ADARB2: variants seen among roughly 807,000 people sequenced by gnomAD.
ADARB2 encodes the protein inactive double-stranded RNA-specific editase B2.
Under a neutral mutation model 62.2 loss-of-function variants are expected in ADARB2, and 25 were observed. The observed-to-expected ratio is 0.40, with a 90% CI of 0.29 to 0.56. The LOEUF is 0.56. Among genes scored for constraint, ADARB2 ranks in the 20% least tolerant of loss-of-function variants. The pLI, the probability that ADARB2 is intolerant of heterozygous loss-of-function variation, is 0.43. For missense variants in ADARB2, 1,071 were observed against 1,077.4 expected, an observed-to-expected ratio of 0.99 and a Z score of 0.08; for synonymous variants, 572 against 500.8, an observed-to-expected ratio of 1.14 and a Z score of -1.90.
intron 1 of ADARB2, among the ~76,000 whole-genome samples, chr10:1,405,986 T>A (rs2131875231): frequency 6.6e-6 from 1 of 152,104 alleles, no homozygotes. Flanking sequence ...TACACCCATT[T>A]CTTAAATCCT....
intron 3 of ADARB2, among the ~76,000 whole-genome samples, chr10:1,308,777 G>A (rs981462464): frequency 3.3e-5 from 5 of 152,310 alleles, no homozygotes; most frequent in African/African-American, 9.6e-5. Flanking sequence ...TAGCAGGTCA[G>A]GGAGCTCTTT....
chr10:1,209,281 C>T (rs1418597079), intron 7 of ADARB2, among the ~76,000 whole-genome samples: 7 of 150,434 alleles, frequency 4.7e-5, no homozygotes, highest in Non-Finnish European at 1.5e-5. Context: ...ATGCCCACGC[C>T]TACACCATCA....
At chr10:1,569,767 T>TA (rs1854776718) in intron 1 of ADARB2, among the ~76,000 whole-genome samples, 8 of 152,090 alleles carry the variant, frequency 5.3e-5, no homozygotes, top group Admixed American at 1.3e-4. Flanking sequence ...TCATTTTTTT[T>TA]TAAAAAAATG....
intron 1 of ADARB2, among the ~76,000 whole-genome samples, chr10:1,619,576 C>T (rs1833684302): frequency 1.3e-5 from 2 of 152,286 alleles, no homozygotes; most frequent in South Asian, 4.1e-4. Flanking sequence ...CTCAGCCTCC[C>T]AAGTAGCTGG....
intron 1 of ADARB2, among the ~76,000 whole-genome samples, chr10:1,414,015 A>T (rs757456057): frequency 1.3e-5 from 2 of 152,138 alleles, no homozygotes; most frequent in African/African-American, 4.8e-5. Context: ...CAGGGGCTCT[A>T]TTCGTTCTTC....
At chr10:1,543,434 T>A (rs1325941997) in intron 1 of ADARB2, among the ~76,000 whole-genome samples, 1 of 152,246 alleles carries the variant, frequency 6.6e-6, no homozygotes, top group Non-Finnish European at 1.5e-5. Context: ...CCATTTTTGA[T>A]AGCTCATTGT....
intron 1 of ADARB2, among the ~76,000 whole-genome samples, chr10:1,413,615 C>A (rs1806446): frequency 1.3e-5 from 2 of 151,818 alleles, no homozygotes; most frequent in Non-Finnish European, 2.9e-5. Flanking sequence ...ACACAGGAAG[C>A]GCAGCCGTGA....
chr10:1,538,235 G>C (rs1190023822), intron 1 of ADARB2, among the ~76,000 whole-genome samples: 2 of 152,240 alleles, frequency 1.3e-5, no homozygotes, highest in African/African-American at 4.8e-5. Context: ...GCCTGCGTTT[G>C]TGGCTGTGGC....
At chr10:1,321,296 C>T (rs1045596962) in intron 3 of ADARB2, among the ~76,000 whole-genome samples, 1 of 152,226 alleles carries the variant, frequency 6.6e-6, no homozygotes, top group Admixed American at 6.5e-5. Context: ...CGGAAGATCC[C>T]TGCCTATCCT....
At chr10:1,291,571 C>A (rs1831466098) in intron 3 of ADARB2, 2 of 152,172 alleles carry the variant, frequency 1.3e-5, no homozygotes, top group Non-Finnish European at 2.9e-5. Flanking sequence ...ATTTACATAC[C>A]CGATGTCCCT....
chr10:1,195,977 T>A (rs1178457261), intron 8 of ADARB2, among the ~76,000 whole-genome samples: 1 of 152,076 alleles, frequency 6.6e-6, no homozygotes, highest in African/African-American at 2.4e-5. Context: ...CTTCCCTTGG[T>A]GAGAAGGGAG....
At chr10:1,674,863 T>TGTTCA (rs2119108849) in intron 1 of ADARB2, among the ~76,000 whole-genome samples, 1 of 152,360 alleles carries the variant, frequency 6.6e-6, no homozygotes, top group African/African-American at 2.4e-5. Context: ...CAATGGGCCT[T>TGTTCA]GTTCAGGAGG....
chr10:1,440,227 C>T (rs1588258925), intron 1 of ADARB2, among the ~76,000 whole-genome samples: 1 of 152,328 alleles, frequency 6.6e-6, no homozygotes, highest in Admixed American at 6.5e-5. Flanking sequence ...CCTGAGTCTC[C>T]GCTGCACATT....
intron 1 of ADARB2, among the ~76,000 whole-genome samples, chr10:1,478,737 A>T (rs1223479016): frequency 2.0e-5 from 3 of 148,394 alleles, no homozygotes; most frequent in Non-Finnish European, 4.5e-5. Flanking sequence ...CGGACGGGAG[A>T]GCGCCAAAAC....
At chr10:1,686,710 CTCTG>C (rs35913961) in intron 1 of ADARB2, among the ~76,000 whole-genome samples, 20,379 of 152,156 alleles carry the variant, frequency 0.13, 1,480 homozygotes, top group Non-Finnish European at 0.15. Context: ...AGGTCAAAGG[CTCTG>C]TCTTAGACCG....
At chr10:1,627,072 C>G (rs1413454033) in intron 1 of ADARB2, among the ~76,000 whole-genome samples, 1 of 152,116 alleles carries the variant, frequency 6.6e-6, no homozygotes, top group Non-Finnish European at 1.5e-5. Flanking sequence ...GGACGCCTCT[C>G]CCTCCCCACA....
At chr10:1,367,516 G>C (rs1433446936) in intron 2 of ADARB2, among the ~76,000 whole-genome samples, 1 of 152,160 alleles carries the variant, frequency 6.6e-6, no homozygotes, top group Non-Finnish European at 1.5e-5. Flanking sequence ...GAGTGCAAAT[G>C]CTTTTGTTAA....
intron 3 of ADARB2, among the ~76,000 whole-genome samples, chr10:1,288,924 C>A (rs1478566195): frequency 6.6e-6 from 1 of 152,184 alleles, no homozygotes; most frequent in Non-Finnish European, 1.5e-5. Flanking sequence ...CTCTTCTCAG[C>A]CAAGGGCATT....
At chr10:1,510,096 T>TTTTCTTTCTTTCTCTC (rs1831906860) in intron 1 of ADARB2, among the ~76,000 whole-genome samples, 2 of 124,760 alleles carry the variant, frequency 1.6e-5, no homozygotes, top group Non-Finnish European at 3.4e-5. Context: ...TCTCTCTCTC[T>TTTTCTTTCTTTCTCTC]TTTCTTTCTT....
Sources: gnomAD v4.1 joint callset for allele counts (sites outside exome capture counted in the v4.1 genomes callset) on GRCh38, gnomAD v4.1.1 for gene constraint, MANE v1.5 for transcripts, NCBI Gene and HGNC (gene_info 2026-07-23, HGNC 2026-07-21) for gene names.